ECPAS: variants seen among roughly 807,000 people sequenced by gnomAD.
ECPAS encodes proteasome adapter and scaffold protein ECM29.
ECPAS carries 70 observed loss-of-function variants against 255.1 expected under a neutral mutation model. The observed-to-expected ratio is 0.27, with a 90% CI of 0.23 to 0.33. The LOEUF (loss-of-function observed/expected upper bound fraction) is 0.33. ECPAS is among the 10% of genes least tolerant of loss of function. ECPAS has a pLI of 1.00. For synonymous variants in ECPAS, 784 were observed against 775.0 expected, an observed-to-expected ratio of 1.01 and a Z score of -0.19; for missense variants, 1,817 against 2,206.4, an observed-to-expected ratio of 0.82 and a Z score of 3.54.
Position 111,484,177 on chromosome 9 carries a change from T to C in ECPAS, c.-144A>G. Reference sequence around the variant, plus strand: ...GCTCGGCGCCGCGAGGTGAGGGCTGTAGAGCGAGGCGTTCGGCGGGCCGGG... The same window carrying C: ...GCTCGGCGCCGCGAGGTGAGGGCTGCAGAGCGAGGCGTTCGGCGGGCCGGG... On this transcript the variant is annotated 5_prime_UTR_variant, in exon 1 of 50. Coordinates refer to ENST00000684092, the MANE Select transcript of ECPAS (RefSeq NM_001364929.1). 2.0e-6 allele frequency: 3 copies of C among 1,484,562 alleles called. No homozygotes were observed. Among genetic ancestry groups the C allele is most frequent in the Non-Finnish European group, 2.7e-6 (3 of 1,120,172 alleles). 92.0% of individuals were successfully genotyped at this position (1,484,562 alleles called of 1,614,324 possible).
At chr9:111,414,362 G>A in intron 19 of ECPAS, 67 bp downstream of exon 19, 5 of 1,365,040 alleles carry the variant, frequency 3.7e-6, no homozygotes, top group Non-Finnish European at 5.1e-6. Flanking sequence ...TAAATTCTTA[G>A]CAAAGTTTAA....
At chr9:111,428,218 A>G in intron 9 of ECPAS, 57 bp from the exon 10 acceptor site, 1 of 1,523,586 alleles carries the variant, frequency 6.6e-7, no homozygotes, top group Non-Finnish European at 8.9e-7. Context: ...TGAACTGAAA[A>G]TGTCATGAGA....
At position 111,376,464 on chromosome 9, in the gene ECPAS, TAAGAC is replaced by T. The variant is rs765106651; in HGVS notation, c.4020+7_4020+11del. 307 of 1,577,348 alleles carry T rather than the reference TAAGAC, an allele frequency of 1.9e-4. No individual in the cohort carries two copies. The African/African-American group carries it at 2.2e-3, about 11-fold the overall frequency. Reference sequence around the variant, plus strand: ...GCAAACAAACCCTCTCATTATTATTTAAGACACTCACCATGTTGATTGTTTCCATC... The same window carrying T: ...GCAAACAAACCCTCTCATTATTATTTACTCACCATGTTGATTGTTTCCATC... On this transcript the variant is annotated splice_region_variant and intron_variant, in intron 37 of 49. Coordinates refer to ENST00000684092, the MANE Select transcript of ECPAS (RefSeq NM_001364929.1).
chr9:111,436,936 A>G lies in ECPAS; in HGVS notation c.708+4T>C. 5 of 1,597,202 alleles carry G rather than the reference A, an allele frequency of 3.1e-6. No individual in the cohort carries two copies. The highest frequency in any genetic ancestry group is 4.3e-6 in the Non-Finnish European group (5 of 1,173,446). ...TACTATTATGAGCAAGCCTTGTGTG[A>G]TACCTGTTCCAATTGTTCAGGTGTC... is the stretch of plus-strand genomic sequence containing the variant. On this transcript the variant is annotated splice_donor_region_variant and intron_variant, in intron 7 of 49. Transcript: ENST00000684092.
intron 35 of ECPAS, among the ~76,000 whole-genome samples, chr9:111,379,382 A>G (rs2098137749): frequency 6.6e-6 from 1 of 152,236 alleles, no homozygotes; most frequent in Non-Finnish European, 1.5e-5. Context: ...GTCTAAAATA[A>G]AGTACATTAG....
chr9:111,408,764 C>T, intron 23 of ECPAS, 92 bp from the exon 24 acceptor site: 1 of 697,510 alleles, frequency 1.4e-6, no homozygotes, highest in Non-Finnish European at 2.3e-6. Flanking sequence ...CAGGGAAGCG[C>T]AGTCTATCTA....
chr9:111,421,706 C>T (rs1160903026), intron 15 of ECPAS, among the ~76,000 whole-genome samples: 1 of 152,116 alleles, frequency 6.6e-6, no homozygotes, highest in Non-Finnish European at 1.5e-5. Flanking sequence ...AGTTTTCCCA[C>T]ATGGAAAGCT....
intron 9 of ECPAS, 105 bp downstream of exon 9, chr9:111,430,442 G>T: frequency 1.3e-6 from 1 of 749,572 alleles, no homozygotes. Context: ...TTTTGTTATA[G>T]CACAGATTCA....
At chr9:111,396,910 CAG>C in intron 25 of ECPAS, 118 bp downstream of exon 25, 1 of 1,311,546 alleles carries the variant, frequency 7.6e-7, no homozygotes, top group Non-Finnish European at 1.1e-6. Context: ...ATTGGTAAAA[CAG>C]ATATAAATAT....
rs370315735 is a variant in ECPAS at position 111,404,565 on chromosome 9, G to A, written c.2652+4006C>T. On this transcript the variant is annotated intron_variant, in intron 24 of 49. Transcript: ENST00000684092. ...TGACAGGGAGCGTGTAGCACCTCCC[G>A]CTTTGTTATTTTTCTCCTGCTCCTG... Among the ~76,000 whole-genome samples, 26 of 149,026 alleles carry A rather than the reference G, an allele frequency of 1.7e-4. 1 individual carries two copies. The highest frequency in any genetic ancestry group is 4.4e-4 in the African/African-American group (17 of 39,014).
intron 36 of ECPAS, 104 bp downstream of exon 36, chr9:111,378,476 G>T: frequency 8.6e-7 from 1 of 1,165,294 alleles, no homozygotes; most frequent in Non-Finnish European, 1.2e-6. Context: ...GACAGAGGGT[G>T]AGTTCTGGTA....
chr9:111,451,632 C>A (rs2098260402), intron 2 of ECPAS, 77 bp from the exon 3 acceptor site: 6 of 1,369,536 alleles, frequency 4.4e-6, no homozygotes, highest in Non-Finnish European at 5.8e-6. Context: ...ATAGCTTATT[C>A]TTTTTTTCTG....
chr9:111,378,500 T>C (rs182169440), intron 36 of ECPAS, 80 bp downstream of exon 36: 22 of 1,399,314 alleles, frequency 1.6e-5, no homozygotes, highest in East Asian at 2.3e-5. Flanking sequence ...GTAGTGACAG[T>C]GTCATTCAAA....
chr9:111,409,627 A>C (rs2098190872), intron 23 of ECPAS, among the ~76,000 whole-genome samples: 1 of 152,110 alleles, frequency 6.6e-6, no homozygotes, highest in Non-Finnish European at 1.5e-5. Context: ...CTGCTCATTA[A>C]ATCATCTTAC....
intron 7 of ECPAS, among the ~76,000 whole-genome samples, chr9:111,434,741 A>C (rs1039659603): frequency 6.6e-6 from 1 of 150,884 alleles, no homozygotes; most frequent in Non-Finnish European, 1.5e-5. Flanking sequence ...AGGCACACAC[A>C]CCGCCATGCC....
Position 111,450,504 on chromosome 9 carries a change from C to A in ECPAS, c.153+921G>T, listed in dbSNP as rs1039885576. ...ACCTCCAGGAAGTCACTGCCAATTA[C>A]TGTGGCCCAAGGAATAAAACCTGAC... On this transcript the variant is annotated intron_variant, in intron 3 of 49. Transcript: ENST00000684092. Among the ~76,000 whole-genome samples, 9 of 152,344 alleles carry A rather than the reference C, an allele frequency of 5.9e-5. No individual in the cohort carries two copies. The Middle Eastern group carries it at 0.017, about 288-fold the overall frequency.
At chr9:111,435,628 T>C (rs2098236861) in intron 7 of ECPAS, among the ~76,000 whole-genome samples, 1 of 151,988 alleles carries the variant, frequency 6.6e-6, no homozygotes, top group Admixed American at 6.6e-5. Flanking sequence ...AAGTACCCGG[T>C]ACGGTGCCTG....
intron 2 of ECPAS, among the ~76,000 whole-genome samples, chr9:111,471,874 AGGAGTATAGCTTGAGCTCAGGAGTTCC>A (rs2098288685): frequency 6.6e-6 from 1 of 152,098 alleles, no homozygotes; most frequent in Non-Finnish European, 1.5e-5. Context: ...GGGCCCAGGT[AGGAGTATAGCTTGAGCTCAGGAGTTCC>A]AGACCAGCCT....
chr9:111,385,350 T>G lies in ECPAS; in HGVS notation c.3620A>C (p.Gln1207Pro), dbSNP rs2098146539. 6.7e-7 allele frequency: 1 copy of G among 1,491,312 alleles called. No homozygotes were observed. The highest frequency in any genetic ancestry group is 1.9e-5 in the Admixed American group (1 of 53,702). 92.4% of individuals were successfully genotyped at this position (1,491,312 alleles called of 1,614,324 possible). The change falls in exon 33 of 50, where the codon CAA (glutamine) becomes CCA (proline). Residue 1207 changes from glutamine to proline, a missense_variant. Transcript: ENST00000684092. ...TTTCTATAATACCTTGATATCATCTTGTACTCTAAAAAGCGTTTCCCAAAT... is the reference window on the plus strand; with the variant it reads ...TTTCTATAATACCTTGATATCATCTGGTACTCTAAAAAGCGTTTCCCAAAT... ...PEIWETLFRV[Q>P]DDIKESVRKA...
Sources: allele counts gnomAD v4.1 joint callset (sites outside exome capture counted in the v4.1 genomes callset), GRCh38; gene constraint gnomAD v4.1.1; transcripts MANE v1.5; gene names NCBI Gene and HGNC (gene_info 2026-07-23, HGNC 2026-07-21).